Variants in PLG observed in about 807,000 individuals in gnomAD.
The protein encoded by PLG is plasmin.
PLG carries 41 observed loss-of-function variants against 104.4 expected under a neutral mutation model. The ratio of observed to expected loss-of-function variants is 0.39; its 90% CI spans 0.31 to 0.51. The LOEUF (loss-of-function observed/expected upper bound fraction) is 0.51, where lower values mean the gene tolerates loss of function less well. PLG is among the 20% of genes least tolerant of loss of function. The pLI is 0.76. For synonymous variants in PLG, 337 were observed against 357.1 expected, an observed-to-expected ratio of 0.94 and a Z score of 0.63; for missense variants, 891 against 1,003.6, an observed-to-expected ratio of 0.89 and a Z score of 1.52.
chr6:160,712,607 A>G (rs545967112), intron 4 of PLG, among the ~76,000 whole-genome samples: 4 of 152,358 alleles, frequency 2.6e-5, no homozygotes, highest in African/African-American at 7.2e-5. Context: ...TTCCTGGCAG[A>G]TAGTTCACAT....
Position 160,716,694 on chromosome 6 carries a change from G to A in PLG, c.718G>A (p.Glu240Lys), listed in dbSNP as rs1419415735. 6.2e-7 allele frequency: 1 copy of A among 1,613,800 alleles called. No homozygotes were observed. Among genetic ancestry groups the A allele is most frequent in the East Asian group, 2.2e-5 (1 of 44,874 alleles). Residue 240 changes from glutamate (E) to lysine (K), a missense_variant, in exon 7 of 19, where the codon GAG (glutamate) becomes AAG (lysine). Around this residue, in one of 2 missense-constraint regions of PLG, gnomAD observed 854 missense variants for 932.1 expected, o/e 0.92. Transcript: ENST00000308192. ...KKNYCRNPDR[E>K]LRPWCFTTDP... is the part of the protein sequence containing the mutation. ...GAATTACTGTCGTAACCCCGATAGG[G>A]AGCTGCGGCCTTGGTGTTTCACCAC...
In PLG at chr6:160,714,645, ATTTT is replaced by A; in HGVS notation, c.548-148_548-145del. 2 of 411,662 alleles carry A rather than the reference ATTTT, an allele frequency of 4.9e-6. 1 individual carries two copies. Among genetic ancestry groups the A allele is most frequent in the Non-Finnish European group, 9.8e-6 (2 of 203,730 alleles). The allele number at this position is 411,662 out of a possible 1,614,324, so 25.5% of individuals were successfully genotyped here. On this transcript the variant is annotated intron_variant, in intron 5 of 18. Coordinates refer to ENST00000308192, the MANE Select transcript of PLG (RefSeq NM_000301.5). ...AGAAAATCCTGAGTCCTTATTGCCA[ATTTT>A]ATTGCCAAGTGCCTGTTGTGAATTA...
rs770766824 is a variant in PLG at position 160,752,273 on chromosome 6, C to G, written c.2271+13C>G. On this transcript the variant is annotated intron_variant, in intron 18 of 18. Coordinates refer to ENST00000308192, the MANE Select transcript of PLG (RefSeq NM_000301.5). This position sits in a 1 kb window ranked among gnomAD's most constrained non-coding sequence, Gnocchi z 4.7. ...TGACAGTTGCCAGGTAAGCAAAGATCAAGAGACCAAAGTTAGTCTTGTGCT... is the reference window on the plus strand; with the variant it reads ...TGACAGTTGCCAGGTAAGCAAAGATGAAGAGACCAAAGTTAGTCTTGTGCT... 3 of 1,612,302 alleles carry G rather than the reference C, an allele frequency of 1.9e-6. No homozygotes were observed. Among genetic ancestry groups the G allele is most frequent in the Admixed American group, 1.7e-5 (1 of 60,016 alleles).
chr6:160,710,867 C>T (rs1240261819), intron 3 of PLG, among the ~76,000 whole-genome samples: 1 of 152,182 alleles, frequency 6.6e-6, no homozygotes, highest in African/African-American at 2.4e-5. Context: ...GGGCTCGATA[C>T]ACAGAGAGCT....
chr6:160,719,123 GTTC>G lies in PLG; in HGVS notation c.1096+290_1096+292del, dbSNP rs1484932395. Among the ~76,000 whole-genome samples the G allele has an allele frequency of 6.6e-6, 1 of 152,162 alleles. No individual in the cohort carries two copies. ...CATTTAGGTGAAGTTGGTTGCTGGTGTTCTTCTGTATCCTTACTGATTGTCTGT... is the reference window on the plus strand; with the variant it reads ...CATTTAGGTGAAGTTGGTTGCTGGTGTTCTGTATCCTTACTGATTGTCTGT... On this transcript the variant is annotated intron_variant, in intron 9 of 18. Coordinates refer to ENST00000308192, the MANE Select transcript of PLG (RefSeq NM_000301.5). This position sits in a 1 kb window ranked among gnomAD's most constrained non-coding sequence, Gnocchi z 4.1.
intron 9 of PLG, 87 bp downstream of exon 9, chr6:160,718,925 T>A: frequency 8.5e-7 from 1 of 1,175,350 alleles, no homozygotes; most frequent in African/African-American, 1.5e-5. Flanking sequence ...ATACAGTAGC[T>A]TTGTAAGTTT....
At chr6:160,715,236 A>C (rs750119252) in intron 6 of PLG, among the ~76,000 whole-genome samples, 1 of 152,246 alleles carries the variant, frequency 6.6e-6, no homozygotes, top group Non-Finnish European at 1.5e-5. Flanking sequence ...TCAGTAATGA[A>C]TACATTAACA....
chr6:160,722,672 C>T (rs1261346541), intron 10 of PLG, 105 bp downstream of exon 10: 1 of 983,484 alleles, frequency 1.0e-6, no homozygotes, highest in Admixed American at 1.8e-5. Flanking sequence ...CCAAATTTCT[C>T]TTAGACCCAG....
chr6:160,711,340 T>A, intron 4 of PLG, 149 bp downstream of exon 4: 1 of 761,058 alleles, frequency 1.3e-6, no homozygotes, highest in South Asian at 1.8e-5. Flanking sequence ...GCATATAACC[T>A]ACATACCTTC....
rs147492830 is a variant in PLG at position 160,735,634 on chromosome 6, C to T, written c.1682-1253C>T. Reference sequence around the variant, plus strand: ...GGATATGGTTTATTCAGGTTTGACTCGTGCTTGAGAAAGCTAGAGCCTCTG... The same window carrying T: ...GGATATGGTTTATTCAGGTTTGACTTGTGCTTGAGAAAGCTAGAGCCTCTG... On this transcript the variant is annotated intron_variant, in intron 13 of 18. Coordinates refer to ENST00000308192, the MANE Select transcript of PLG (RefSeq NM_000301.5). The surrounding 1 kb of genome is among the most constrained non-coding windows in gnomAD (Gnocchi z 5.4). Among the ~76,000 whole-genome samples, 2 of 152,300 alleles carry T rather than the reference C, an allele frequency of 1.3e-5. No homozygotes were observed. The highest frequency in any genetic ancestry group is 4.8e-5 in the African/African-American group (2 of 41,568).
rs1231016136 is a variant in PLG, at chr6:160,731,454, C to T, written c.1438+222C>T. ...TGCCTTTAGGACAGGTGCAAACCCTCCAAGGTGCTCAACTTAACCACTCAC... is the reference window on the plus strand; with the variant it reads ...TGCCTTTAGGACAGGTGCAAACCCTTCAAGGTGCTCAACTTAACCACTCAC... On this transcript the variant is annotated intron_variant, in intron 11 of 18. Transcript: ENST00000308192. The surrounding 1 kb of genome is among the most constrained non-coding windows in gnomAD (Gnocchi z 5.1). Among the ~76,000 whole-genome samples the T allele has an allele frequency of 2.0e-5, 3 of 152,216 alleles. No individual in the cohort carries two copies. Among genetic ancestry groups the T allele is most frequent in the Admixed American group, 6.5e-5 (1 of 15,288 alleles).
rs1777493001 is a variant in PLG at position 160,705,088 on chromosome 6, C to T, written c.50-1319C>T. Among the ~76,000 whole-genome samples the T allele has an allele frequency of 2.6e-5, 4 of 152,194 alleles. No individual in the cohort carries two copies. In the South Asian group the frequency reaches 8.3e-4, roughly 32 times the overall value. On this transcript the variant is annotated intron_variant, in intron 1 of 18. Transcript: ENST00000308192. ...CCACCCCCTCTGCCTGCGGCCCCCA[C>T]CACGCCCCTCAAAGTGGTCAAGGTT...
At chr6:160,747,687 G>T (rs1374647620) in intron 17 of PLG, among the ~76,000 whole-genome samples, 1 of 152,100 alleles carries the variant, frequency 6.6e-6, no homozygotes, top group Admixed American at 6.5e-5. Context: ...TTTCAAAGTG[G>T]CTTTCCTTTT....
intron 17 of PLG, among the ~76,000 whole-genome samples, chr6:160,747,966 A>G (rs1169707813): frequency 6.6e-6 from 1 of 152,186 alleles, no homozygotes; most frequent in Non-Finnish European, 1.5e-5. Context: ...ACTAACCTGA[A>G]TTAGAACCCT....
chr6:160,705,462 C>A (rs1368153368), intron 1 of PLG: 1 of 152,248 alleles, frequency 6.6e-6, no homozygotes, highest in Non-Finnish European at 1.5e-5. Flanking sequence ...CCTCCGAAAT[C>A]CAGATACCTG....
chr6:160,751,153 C>T (rs73784951), intron 17 of PLG, among the ~76,000 whole-genome samples: 12 of 152,194 alleles, frequency 7.9e-5, no homozygotes, highest in African/African-American at 2.2e-4. Context: ...AATTTGGCAA[C>T]GTTATTGGGA....
In PLG at chr6:160,732,495, T is replaced by C. The variant is rs4252134; in HGVS notation, c.1587+602T>C. ...CAGATACCAGCTGGGTGTCCTACAA[T>C]GTAACTCAGTGCTGACACTCTATCT... On this transcript the variant is annotated intron_variant, in intron 12 of 18. Transcript: ENST00000308192. The surrounding 1 kb of genome is among the most constrained non-coding windows in gnomAD (Gnocchi z 4.5). Among the ~76,000 whole-genome samples the C allele has an allele frequency of 0.21, 32,120 of 152,024 alleles. 3,993 individuals are homozygous for C. Among genetic ancestry groups the C allele is most frequent in the Non-Finnish European group, 0.29 (19,715 of 67,940 alleles).
Position 160,713,048 on chromosome 6 carries a change from A to G in PLG, c.470A>G (p.Asn157Ser). 6.2e-7 allele frequency: 1 copy of G among 1,608,824 alleles called. No homozygotes were observed. The highest frequency in any genetic ancestry group is 8.5e-7 in the Non-Finnish European group (1 of 1,177,008). The change falls in exon 5 of 19, where the codon AAC (asparagine) becomes AGC (serine). Residue 157 changes from asparagine to serine, a missense_variant. Coordinates refer to ENST00000308192, the MANE Select transcript of PLG (RefSeq NM_000301.5). ...GAGAACTACTGCAGGAATCCAGACAACGATCCGCAGGGGCCCTGGTGCTAT... is the reference window on the plus strand; with the variant it reads ...GAGAACTACTGCAGGAATCCAGACAGCGATCCGCAGGGGCCCTGGTGCTAT... ...LEENYCRNPD[N>S]DPQGPWCYTT...
intron 17 of PLG, among the ~76,000 whole-genome samples, chr6:160,751,558 G>A (rs1400635976): frequency 6.6e-6 from 1 of 152,128 alleles, no homozygotes. Context: ...CCACTGAGTG[G>A]CATTTAGTAC....
Sources: gnomAD v4.1 joint callset for allele counts (sites outside exome capture counted in the v4.1 genomes callset) on GRCh38, gnomAD v4.1.1 for gene constraint, gnomAD v4.1.1 regional missense constraint, Gnocchi (gnomAD v3.1) non-coding constraint, MANE v1.5 for transcripts, NCBI Gene and HGNC (gene_info 2026-07-23, HGNC 2026-07-21) for gene names.